The following CHN1 variants were observed in gnomAD, a reference collection of about 807,000 sequenced individuals.
The protein encoded by CHN1 is N-chimaerin.
A neutral mutation model predicts 59.5 loss-of-function variants in CHN1; 37 were observed. The ratio of observed to expected loss-of-function variants is 0.62; its 90% CI spans 0.48 to 0.82. The LOEUF is 0.82. CHN1 is among the 40% of genes least tolerant of loss of function. The pLI is 0.00. For missense variants in CHN1, 469 were observed against 571.0 expected, an observed-to-expected ratio of 0.82 and a Z score of 1.82; for synonymous variants, 206 against 200.4, an observed-to-expected ratio of 1.03 and a Z score of -0.24.
chr2:174,907,190 C>G (rs80341297), intron 5 of CHN1, among the ~76,000 whole-genome samples: 1 of 152,060 alleles, frequency 6.6e-6, no homozygotes, highest in Non-Finnish European at 1.5e-5. Context: ...TTGAATGGAA[C>G]ATTTCTCAAA....
At chr2:174,815,195 A>C (rs1685203275) in intron 8 of CHN1, among the ~76,000 whole-genome samples, 1 of 152,104 alleles carries the variant, frequency 6.6e-6, no homozygotes, top group South Asian at 2.1e-4. Flanking sequence ...TAGGCAACAT[A>C]GTGAGACCCT....
At chr2:174,870,848 G>A (rs1041255541) in intron 6 of CHN1, among the ~76,000 whole-genome samples, 1 of 152,150 alleles carries the variant, frequency 6.6e-6, no homozygotes, top group Non-Finnish European at 1.5e-5. Context: ...TAATTTAAGT[G>A]ATTTTATTTG....
intron 1 of CHN1, among the ~76,000 whole-genome samples, chr2:174,977,190 G>A (rs1574235091): frequency 6.6e-6 from 1 of 152,294 alleles, no homozygotes; most frequent in South Asian, 2.1e-4. Context: ...TAGCAGAAAA[G>A]CAGCCATAGA....
At chr2:174,962,848 T>C (rs901180320) in intron 1 of CHN1, among the ~76,000 whole-genome samples, 9 of 152,036 alleles carry the variant, frequency 5.9e-5, no homozygotes, top group Non-Finnish European at 1.3e-4. Context: ...AGGCAGAGGT[T>C]GCAGCGAGCC....
chr2:174,966,811 A>G (rs1303798943), intron 1 of CHN1, among the ~76,000 whole-genome samples: 2 of 152,230 alleles, frequency 1.3e-5, no homozygotes, highest in African/African-American at 4.8e-5. Flanking sequence ...GTCCTCAGAC[A>G]GGCCTGTTTA....
At chr2:174,884,729 C>T (rs1248643278) in intron 5 of CHN1, among the ~76,000 whole-genome samples, 1 of 152,056 alleles carries the variant, frequency 6.6e-6, no homozygotes, top group African/African-American at 2.4e-5. Context: ...AATTACGGGA[C>T]ACATACTGTG....
intron 6 of CHN1, among the ~76,000 whole-genome samples, chr2:174,876,419 A>G (rs897891877): frequency 2.0e-5 from 3 of 152,224 alleles, no homozygotes; most frequent in Non-Finnish European, 4.4e-5. Context: ...AAATACAAGC[A>G]TTACTAAAAA....
intron 4 of CHN1, among the ~76,000 whole-genome samples, chr2:174,916,168 A>T (rs1199110416): frequency 6.6e-6 from 1 of 152,188 alleles, no homozygotes; most frequent in Non-Finnish European, 1.5e-5. Context: ...GAAGACTAAA[A>T]GTCGACAACA....
intron 5 of CHN1, among the ~76,000 whole-genome samples, chr2:174,884,762 G>A (rs1277286889): frequency 6.6e-6 from 1 of 152,028 alleles, no homozygotes; most frequent in Non-Finnish European, 1.5e-5. Context: ...ATGCATTTGA[G>A]GGATCCTATC....
Position 174,826,777 on chromosome 2 carries a change from A to G in CHN1, c.628-2259T>C, listed in dbSNP as rs187568191. Among the ~76,000 whole-genome samples, 7 of 152,310 alleles carry G rather than the reference A, an allele frequency of 4.6e-5. No individual in the cohort carries two copies. In the East Asian group the frequency reaches 1.3e-3, roughly 29 times the overall value. The stretch of plus-strand genomic sequence containing the variant: ...ATATTTCTTTATATTAGATATGCTG[A>G]AGAGAGGATTTTAACTGTCCGAGCA... On this transcript the variant is annotated intron_variant, in intron 7 of 12. Transcript: ENST00000409900.
intron 5 of CHN1, among the ~76,000 whole-genome samples, chr2:174,886,228 A>C (rs369724643): frequency 2.6e-5 from 4 of 152,208 alleles, no homozygotes; most frequent in South Asian, 2.1e-4. Context: ...TAAACAATAC[A>C]ATGCTTTTAT....
At position 174,855,484 on chromosome 2, in the gene CHN1, TA is replaced by T. The variant is rs548420724; in HGVS notation, c.550-8528del. On this transcript the variant is annotated intron_variant, in intron 6 of 12. Coordinates refer to ENST00000409900, the MANE Select transcript of CHN1 (RefSeq NM_001822.7). ...AAACCTCCAAAATCAAGTTATAACA[TA>T]AACATTTATGGATTCAAGCAAATTC... Among the ~76,000 whole-genome samples the T allele has an allele frequency of 1.0e-3, 158 of 152,280 alleles. 1 individual carries two copies. Among genetic ancestry groups the T allele is most frequent in the African/African-American group, 3.4e-3 (141 of 41,572 alleles).
chr2:175,001,525 G>T (rs1691888198), intron 1 of CHN1, among the ~76,000 whole-genome samples: 1 of 152,206 alleles, frequency 6.6e-6, no homozygotes, highest in African/African-American at 2.4e-5. Context: ...TCTGAGGAAA[G>T]ATGGTACAAA....
At chr2:174,888,531 A>G (rs1371011892) in intron 5 of CHN1, among the ~76,000 whole-genome samples, 3 of 152,232 alleles carry the variant, frequency 2.0e-5, no homozygotes, top group East Asian at 1.9e-4. Flanking sequence ...AGTGCATTTA[A>G]TAAGATAAGG....
At chr2:174,963,943 T>A (rs1332712664) in intron 1 of CHN1, among the ~76,000 whole-genome samples, 1 of 152,156 alleles carries the variant, frequency 6.6e-6, no homozygotes, top group Non-Finnish European at 1.5e-5. Context: ...CGAGACTTGA[T>A]GTAAAAACAT....
intron 6 of CHN1, among the ~76,000 whole-genome samples, chr2:174,858,990 A>ACACACT (rs1417485668): frequency 4.0e-5 from 6 of 151,530 alleles, no homozygotes; most frequent in Non-Finnish European, 7.4e-5. Context: ...ACACACACAC[A>ACACACT]CACACACACA....
intron 1 of CHN1, among the ~76,000 whole-genome samples, chr2:174,964,852 G>A (rs933591189): frequency 2.6e-5 from 4 of 152,068 alleles, no homozygotes; most frequent in Admixed American, 6.6e-5. Flanking sequence ...TATGAAAAGC[G>A]ATTCCAATTT....
At chr2:174,999,795 G>C (rs1691826146) in intron 1 of CHN1, among the ~76,000 whole-genome samples, 1 of 152,100 alleles carries the variant, frequency 6.6e-6, no homozygotes, top group Non-Finnish European at 1.5e-5. Context: ...AGGCCTAAAA[G>C]GCCGGGAGAG....
intron 1 of CHN1, among the ~76,000 whole-genome samples, chr2:174,999,033 G>A (rs1218588661): frequency 6.6e-6 from 1 of 151,994 alleles, no homozygotes; most frequent in Admixed American, 6.6e-5. Flanking sequence ...AATTAGGAAT[G>A]TATATTTATA....
Sources: allele counts gnomAD v4.1 joint callset (sites outside exome capture counted in the v4.1 genomes callset), GRCh38; gene constraint gnomAD v4.1.1; transcripts MANE v1.5; gene names NCBI Gene and HGNC (gene_info 2026-07-23, HGNC 2026-07-21).